APBA2: variants seen among roughly 807,000 people sequenced by gnomAD.
The protein encoded by APBA2 is amyloid beta precursor protein binding family A member 2.
A neutral mutation model predicts 75.0 loss-of-function variants in APBA2; 30 were observed. The ratio of observed to expected loss-of-function variants is 0.40; its 90% CI spans 0.30 to 0.54. APBA2 has a LOEUF of 0.54. Ranked by LOEUF, APBA2 falls within the 20% of genes least tolerant of loss-of-function variation. The pLI is 0.49. For missense variants in APBA2, 801 were observed against 1,016.1 expected, an observed-to-expected ratio of 0.79 and a Z score of 2.88; for synonymous variants, 444 against 409.6, an observed-to-expected ratio of 1.08 and a Z score of -1.01.
chr15:29,000,122 GA>G (rs572603627), intron 3 of APBA2, among the ~76,000 whole-genome samples: 100 of 152,316 alleles, frequency 6.6e-4, no homozygotes, highest in African/African-American at 2.4e-3. Context: ...ACCGCTTCCA[GA>G]AACACCTCAC....
intron 4 of APBA2, among the ~76,000 whole-genome samples, chr15:29,071,345 A>G (rs1321942449): frequency 6.6e-6 from 1 of 151,978 alleles, no homozygotes; most frequent in African/African-American, 2.4e-5. Context: ...AGTCTGTGCC[A>G]CACCACACAT....
At chr15:29,111,654 CGT>C (rs530199596) in intron 13 of APBA2, among the ~76,000 whole-genome samples, 33 of 152,202 alleles carry the variant, frequency 2.2e-4, no homozygotes, top group African/African-American at 6.7e-4. Flanking sequence ...CATGAGTGCC[CGT>C]GGTCATGGTG....
chr15:29,064,009 C>G (rs988924066), intron 4 of APBA2, among the ~76,000 whole-genome samples: 1 of 152,136 alleles, frequency 6.6e-6, no homozygotes, highest in Admixed American at 6.5e-5. Flanking sequence ...CTGAATGTGG[C>G]TTGTGCCCTG....
rs779053831 is a variant in APBA2, at chr15:29,105,329, G to T, written c.1525-50G>T. On this transcript the variant is annotated intron_variant, in intron 10 of 14. Coordinates refer to ENST00000683413, the MANE Select transcript of APBA2 (RefSeq NM_001353788.2). ...CGCAGCCCCCTGCTGAGGAGGCTGC[G>T]GGGAGCCTGTGCCACGTGCCTGTCT... 6 of 1,579,654 alleles carry T rather than the reference G, an allele frequency of 3.8e-6. No individual in the cohort carries two copies. In the South Asian group the frequency reaches 6.8e-5, roughly 18 times the overall value.
chr15:29,115,937 G>A (rs1020248670), intron 14 of APBA2, among the ~76,000 whole-genome samples: 1 of 151,876 alleles, frequency 6.6e-6, no homozygotes, highest in African/African-American at 2.4e-5. Flanking sequence ...AGGCCAGCAT[G>A]CCTGCGGCAG....
chr15:28,926,857 C>CTTTT (rs1183331218), intron 2 of APBA2, among the ~76,000 whole-genome samples: 4 of 126,772 alleles, frequency 3.2e-5, no homozygotes, highest in Non-Finnish European at 4.8e-5. Context: ...CTCTCTCTCT[C>CTTTT]TTTTTTTTTT....
rs537158606 is a variant in APBA2, at chr15:29,078,092, C to G, written c.1069+2001C>G. Among the ~76,000 whole-genome samples the G allele has an allele frequency of 2.0e-5, 3 of 151,822 alleles. No individual in the cohort carries two copies. In the South Asian group the frequency reaches 6.2e-4, roughly 32 times the overall value. ...CGGGTGGATCATGAGGTCAGCAGAT[C>G]AAGACCATCCTGGCCAACATGGTGA... On this transcript the variant is annotated intron_variant, in intron 6 of 14. Transcript: ENST00000683413.
At chr15:29,079,056 G>A (rs1014670270) in intron 6 of APBA2, among the ~76,000 whole-genome samples, 5 of 152,150 alleles carry the variant, frequency 3.3e-5, no homozygotes, top group African/African-American at 1.2e-4. Flanking sequence ...GCGGGGCAGG[G>A]CATCCAGGGC....
chr15:29,009,589 C>T (rs1297641436), intron 3 of APBA2, among the ~76,000 whole-genome samples: 2 of 152,166 alleles, frequency 1.3e-5, no homozygotes, highest in Admixed American at 6.5e-5. Context: ...CGACCACTAC[C>T]ACCACCACCT....
intron 3 of APBA2, among the ~76,000 whole-genome samples, chr15:29,034,348 T>C (rs967230081): frequency 2.0e-5 from 3 of 152,180 alleles, no homozygotes; most frequent in Non-Finnish European, 4.4e-5. Context: ...GTCATCTCTT[T>C]TGCATAAACT....
intron 4 of APBA2, among the ~76,000 whole-genome samples, chr15:29,063,515 C>G (rs540111488): frequency 6.3e-5 from 7 of 110,664 alleles, no homozygotes; most frequent in African/African-American, 2.3e-4. Flanking sequence ...GGAAGTTGAT[C>G]TGGTCAGTGT....
intron 2 of APBA2, among the ~76,000 whole-genome samples, chr15:28,949,103 T>G (rs1429205879): frequency 6.6e-6 from 1 of 151,558 alleles, no homozygotes; most frequent in African/African-American, 2.4e-5. Flanking sequence ...CAAGGCTGGC[T>G]GAGCGTCATG....
chr15:28,925,939 C>T (rs926017331), intron 2 of APBA2, among the ~76,000 whole-genome samples: 3 of 152,064 alleles, frequency 2.0e-5, no homozygotes, highest in Non-Finnish European at 2.9e-5. Context: ...GCCTCTTTAT[C>T]CCTGATAATT....
chr15:28,954,343 C>A (rs2036052116), intron 2 of APBA2, among the ~76,000 whole-genome samples: 1 of 152,214 alleles, frequency 6.6e-6, no homozygotes, highest in Non-Finnish European at 1.5e-5. Context: ...CTCTCCGTTC[C>A]CTGGCCATCC....
intron 2 of APBA2, among the ~76,000 whole-genome samples, chr15:28,957,227 C>T (rs975465340): frequency 1.4e-5 from 2 of 142,484 alleles, no homozygotes; most frequent in East Asian, 2.2e-4. Context: ...CGCCCGCCAC[C>T]GTGCCTGGCT....
chr15:28,905,680 C>T (rs1030887894), intron 1 of APBA2, among the ~76,000 whole-genome samples: 10 of 152,130 alleles, frequency 6.6e-5, no homozygotes, highest in Non-Finnish European at 1.3e-4. Context: ...TACATGCCAC[C>T]GCACCTGGCT....
At chr15:28,957,059 GTTTTCT>G (rs1233295751) in intron 2 of APBA2, among the ~76,000 whole-genome samples, 47 of 152,050 alleles carry the variant, frequency 3.1e-4, no homozygotes, top group Admixed American at 1.4e-3. Flanking sequence ...TTGAGCTCTT[GTTTTCT>G]TTTTCTTTTT....
intron 3 of APBA2, among the ~76,000 whole-genome samples, chr15:29,030,092 A>G (rs1374902889): frequency 6.6e-6 from 1 of 152,164 alleles, no homozygotes; most frequent in African/African-American, 2.4e-5. Context: ...TGAGCCGGGA[A>G]CTGCGGGAAC....
chr15:29,058,410 C>T (rs538693903), intron 4 of APBA2, among the ~76,000 whole-genome samples: 7 of 152,022 alleles, frequency 4.6e-5, no homozygotes, highest in Non-Finnish European at 7.4e-5. Flanking sequence ...ACTCAGGAGG[C>T]TGAGGCAGGA....
Sources: gnomAD v4.1 joint callset for allele counts (sites outside exome capture counted in the v4.1 genomes callset) on GRCh38, gnomAD v4.1.1 for gene constraint, MANE v1.5 for transcripts, NCBI Gene and HGNC (gene_info 2026-07-23, HGNC 2026-07-21) for gene names.